AFG3L2: variants seen among roughly 807,000 people sequenced by gnomAD.
The protein encoded by AFG3L2 is AFG3 like matrix AAA peptidase subunit 2, also known as mitochondrial inner membrane m-AAA protease component AFG3L2.
AFG3L2 carries 54 observed loss-of-function variants against 94.5 expected under a neutral mutation model. That is an observed-to-expected ratio of 0.57 (90% confidence interval 0.46 to 0.72). The LOEUF is 0.72. Among genes scored for constraint, AFG3L2 ranks in the 30% least tolerant of loss-of-function variants. AFG3L2 has a pLI of 0.00. For synonymous variants in AFG3L2, 377 were observed against 365.5 expected, an observed-to-expected ratio of 1.03 and a Z score of -0.36; for missense variants, 754 against 994.9, an observed-to-expected ratio of 0.76 and a Z score of 3.26.
intron 3 of AFG3L2, among the ~76,000 whole-genome samples, chr18:12,368,170 AAAAAAAT>A (rs529372106): frequency 1.8e-4 from 27 of 150,896 alleles, no homozygotes; most frequent in Middle Eastern, 3.5e-3. Flanking sequence ...TCCGTCTCAA[AAAAAAAT>A]AAAAAATAAA....
chr18:12,332,050 T>C (rs1429193598), intron 16 of AFG3L2, among the ~76,000 whole-genome samples: 3 of 151,788 alleles, frequency 2.0e-5, no homozygotes, highest in Non-Finnish European at 2.9e-5. Context: ...GAGGGAACAG[T>C]GTTTATGTTA....
intron 3 of AFG3L2, among the ~76,000 whole-genome samples, chr18:12,368,763 G>GC (rs1016259932): frequency 3.7e-4 from 57 of 152,210 alleles, no homozygotes; most frequent in African/African-American, 1.2e-3. Context: ...ACCATGCCCG[G>GC]CTAATTTTTG....
chr18:12,340,469 A>G (rs1235062013), intron 14 of AFG3L2, 68 bp from the exon 15 acceptor site: 1 of 1,218,410 alleles, frequency 8.2e-7, no homozygotes, highest in East Asian at 2.3e-5. Flanking sequence ...ATCTGTGTAT[A>G]AACAGATAAA....
chr18:12,371,973 A>AT (rs1909005431), intron 1 of AFG3L2, among the ~76,000 whole-genome samples: 1 of 152,222 alleles, frequency 6.6e-6, no homozygotes, highest in Non-Finnish European at 1.5e-5. Flanking sequence ...GTGACAACAC[A>AT]TTCACTTTGA....
At chr18:12,330,939 T>C (rs1330343297) in intron 16 of AFG3L2, among the ~76,000 whole-genome samples, 1 of 152,160 alleles carries the variant, frequency 6.6e-6, no homozygotes, top group East Asian at 1.9e-4. Flanking sequence ...CAGCCAACTG[T>C]GGCAGAACTT....
At chr18:12,344,464 G>A (rs113570435) in intron 13 of AFG3L2, 6 of 520,502 alleles carry the variant, frequency 1.2e-5, no homozygotes, top group Non-Finnish European at 1.8e-5. Context: ...CACTTGAGGT[G>A]AGGAGTTCGA....
chr18:12,360,318 A>C (rs1435965361), intron 6 of AFG3L2: 2 of 414,266 alleles, frequency 4.8e-6, no homozygotes, highest in African/African-American at 4.1e-5. Context: ...CAGAATGAAA[A>C]ACCTATTTGA....
intron 9 of AFG3L2, among the ~76,000 whole-genome samples, chr18:12,355,439 C>T (rs758183623): frequency 1.3e-5 from 2 of 152,014 alleles, no homozygotes; most frequent in African/African-American, 4.8e-5. Context: ...TTGGTAAGGG[C>T]GGGGAAACAT....
At chr18:12,336,498 A>G (rs1461241612) in intron 16 of AFG3L2, among the ~76,000 whole-genome samples, 1 of 152,168 alleles carries the variant, frequency 6.6e-6, no homozygotes, top group Non-Finnish European at 1.5e-5. Flanking sequence ...ACTATCCTTG[A>G]AAAACCCTGG....
intron 6 of AFG3L2, 55 bp from the exon 7 acceptor site, chr18:12,360,106 A>C (rs1183599314): frequency 3.2e-6 from 5 of 1,561,714 alleles, no homozygotes; most frequent in Non-Finnish European, 4.4e-6. Flanking sequence ...AAAAGGTTCA[A>C]TTCACTAAAC....
At position 12,329,168 on chromosome 18, in the gene AFG3L2, G is replaced by C. The variant is rs760718826; in HGVS notation, c.*397C>G. ...CAGCCCATCTGCACAGGGGAACTGA[G>C]GAGAAACAGGAATGAAGAGTGGGCG... On this transcript the variant is annotated 3_prime_UTR_variant, in exon 17 of 17. Coordinates refer to ENST00000269143, the MANE Select transcript of AFG3L2 (RefSeq NM_006796.3). 4.3e-6 allele frequency: 3 copies of C among 702,994 alleles called. No homozygotes were observed. Among genetic ancestry groups the C allele is most frequent in the South Asian group, 3.0e-5 (2 of 67,602 alleles). The allele number at this position is 702,994 out of a possible 1,614,324, so 43.5% of individuals were successfully genotyped here. A position where few individuals can be genotyped will look rare whatever the true frequency, so the allele number is the denominator to read the frequency against.
Position 12,329,195 on chromosome 18 carries a change from CAA to C in AFG3L2, c.*368_*369del. On this transcript the variant is annotated 3_prime_UTR_variant, in exon 17 of 17. Coordinates refer to ENST00000269143, the MANE Select transcript of AFG3L2 (RefSeq NM_006796.3). ...AGAAACAGGAATGAAGAGTGGGCGA[CAA>C]AGAGAAAGCATCCCTTCCCACACGC... 1.4e-6 allele frequency: 1 copy of C among 702,982 alleles called. No homozygotes were observed. Among genetic ancestry groups the C allele is most frequent in the Non-Finnish European group, 2.6e-6 (1 of 385,010 alleles). 43.5% of individuals were successfully genotyped at this position (702,982 alleles called of 1,614,324 possible).
chr18:12,363,466 A>G (rs956863230), intron 6 of AFG3L2, among the ~76,000 whole-genome samples: 25 of 152,320 alleles, frequency 1.6e-4, no homozygotes, highest in Middle Eastern at 3.4e-3. Context: ...TCCTAATCAA[A>G]TAACTACTTC....
chr18:12,337,555 TG>T lies in AFG3L2; in HGVS notation c.1981-21del. 6.2e-7 allele frequency: 1 copy of T among 1,611,788 alleles called. No individual in the cohort carries two copies. Among genetic ancestry groups the T allele is most frequent in the Non-Finnish European group, 8.5e-7 (1 of 1,177,966 alleles). On this transcript the variant is annotated intron_variant, in intron 15 of 16. Transcript: ENST00000269143. ...AACAATCTGAAAAATACATAATTAG[TG>T]GTGATTACATATGATTGTTCTTTAA...
In AFG3L2 at chr18:12,370,845, G is replaced by A. The variant is rs1908962351; in HGVS notation, c.292+4C>T. ...AATTCAAATATAATATTGTCAAAAG[G>A]TACCTTTTTTCTCTCCCATAACTTC... is the stretch of plus-strand genomic sequence containing the variant. On this transcript the variant is annotated splice_donor_region_variant and intron_variant, in intron 3 of 16. Transcript: ENST00000269143. 6.4e-7 allele frequency: 1 copy of A among 1,560,168 alleles called. No individual in the cohort carries two copies. Among genetic ancestry groups the A allele is most frequent in the Admixed American group, 1.7e-5 (1 of 59,156 alleles).
chr18:12,377,087 G>A lies in AFG3L2; in HGVS notation c.-5C>T. ...CCGCAAACAGCGGTGCGCCATGGCCGCCGCCGTGGCCCTCTCGGCCCGGGA... is the reference window on the plus strand; with the variant it reads ...CCGCAAACAGCGGTGCGCCATGGCCACCGCCGTGGCCCTCTCGGCCCGGGA... On this transcript the variant is annotated 5_prime_UTR_variant, in exon 1 of 17. Transcript: ENST00000269143. The A allele has an allele frequency of 2.1e-6, 3 of 1,405,400 alleles. No individual in the cohort carries two copies. The highest frequency in any genetic ancestry group is 2.7e-5 in the Admixed American group (1 of 36,564). The allele number at this position is 1,405,400 out of a possible 1,614,324, so 87.1% of individuals were successfully genotyped here.
rs535922587 is a variant in AFG3L2, at chr18:12,332,518, T to G, written c.2176-2735A>C. ...GTTTTGTCTTTTCAGTTTTTAAAAA[T>G]TTTATTATAAAATGCTTCAAATAGG... is the stretch of plus-strand genomic sequence containing the variant. On this transcript the variant is annotated intron_variant, in intron 16 of 16. Transcript: ENST00000269143. Among the ~76,000 whole-genome samples, 68 of 152,226 alleles carry G rather than the reference T, an allele frequency of 4.5e-4. No homozygotes were observed. The East Asian group carries it at 9.4e-3, about 21-fold the overall frequency.
At chr18:12,330,393 C>A (rs764426525) in intron 16 of AFG3L2, among the ~76,000 whole-genome samples, 7 of 151,740 alleles carry the variant, frequency 4.6e-5, no homozygotes, top group Non-Finnish European at 1.0e-4. Flanking sequence ...GAGATACACA[C>A]TTCAATTAAA....
In AFG3L2 at chr18:12,371,662, C is replaced by T. The variant is rs367942165; in HGVS notation, c.144G>A (p.Arg48=). 7 of 1,614,000 alleles carry T rather than the reference C, an allele frequency of 4.3e-6. No individual in the cohort carries two copies. The highest frequency in any genetic ancestry group is 2.2e-5 in the East Asian group (1 of 44,866). ...TLYRFVTTQA[R]ASRNSLLTDI... is the part of the protein sequence containing the mutation. Reference sequence around the variant, plus strand: ...CTGTCAAAAGAGAATTTCTGCTGGCCCTTGCTTGAGTTGTAACAAATCGGT... The same window carrying T: ...CTGTCAAAAGAGAATTTCTGCTGGCTCTTGCTTGAGTTGTAACAAATCGGT... The change falls in exon 2 of 17, where the codon AGG becomes AGA. Residue 48 remains arginine, a synonymous_variant. Transcript: ENST00000269143.
Sources: gnomAD v4.1 joint callset for allele counts (sites outside exome capture counted in the v4.1 genomes callset) on GRCh38, gnomAD v4.1.1 for gene constraint, MANE v1.5 for transcripts, NCBI Gene and HGNC (gene_info 2026-07-23, HGNC 2026-07-21) for gene names.